The following SLC39A11 variants were observed in gnomAD, a reference collection of about 807,000 sequenced individuals.
SLC39A11 encodes the protein solute carrier family 39 member 11.
Under a neutral mutation model 36.1 loss-of-function variants are expected in SLC39A11, and 33 were observed. The ratio of observed to expected loss-of-function variants is 0.91; its 90% CI spans 0.69 to 1.22. The LOEUF (loss-of-function observed/expected upper bound fraction) is 1.22. Ranked by LOEUF, SLC39A11 falls within the 50% of genes most tolerant of loss-of-function variation. The probability of loss-of-function intolerance (pLI) is 0.00; values close to 1 mark genes in which losing one functional copy is unlikely to be tolerated. For missense variants in SLC39A11, 432 were observed against 430.3 expected (o/e 1.00, Z -0.03); for synonymous variants, 166 against 170.3 (o/e 0.97, Z 0.20).
intron 5 of SLC39A11, among the ~76,000 whole-genome samples, chr17:72,941,038 G>A (rs570158107): frequency 2.0e-4 from 30 of 152,294 alleles, no homozygotes; most frequent in Admixed American, 1.4e-3. Context: ...TTGGGAGGCC[G>A]AGGTGGGTGG....
chr17:72,963,437 TG>T (rs1315449276), intron 4 of SLC39A11, among the ~76,000 whole-genome samples: 2 of 152,238 alleles, frequency 1.3e-5, no homozygotes, highest in African/African-American at 4.8e-5. Flanking sequence ...CCCAAAGTGC[TG>T]GGATTACAGG....
intron 4 of SLC39A11, among the ~76,000 whole-genome samples, chr17:73,015,520 A>G (rs1182393118): frequency 2.6e-5 from 4 of 152,166 alleles, no homozygotes; most frequent in Admixed American, 1.3e-4. Flanking sequence ...ATTCTCCCCA[A>G]TAACTCGTCC....
intron 6 of SLC39A11, among the ~76,000 whole-genome samples, chr17:72,786,831 T>TG (rs148510929): frequency 6.6e-6 from 1 of 152,118 alleles, no homozygotes; most frequent in African/African-American, 2.4e-5. Flanking sequence ...TTTTTCTTGT[T>TG]TTTTTTGAGA....
intron 6 of SLC39A11, among the ~76,000 whole-genome samples, chr17:72,832,082 T>C (rs1018536065): frequency 1.3e-5 from 2 of 152,248 alleles, no homozygotes; most frequent in African/African-American, 4.8e-5. Context: ...TAAGACAAAA[T>C]GAAATGGGAT....
At chr17:73,060,210 C>CAAAAAAAAAAAAAAAAAAAAAAAAGA (rs33931672) in intron 3 of SLC39A11, among the ~76,000 whole-genome samples, 1 of 70,352 alleles carries the variant, frequency 1.4e-5, no homozygotes, top group African/African-American at 5.6e-5. Flanking sequence ...AACTCCATCT[C>CAAAAAAAAAAAAAAAAAAAAAAAAGA]AAAAAAAAAA....
intron 7 of SLC39A11, among the ~76,000 whole-genome samples, chr17:72,670,882 G>A (rs1199150122): frequency 6.6e-6 from 1 of 152,166 alleles, no homozygotes. Flanking sequence ...TTTTGCTGAG[G>A]AATGGTGTTT....
intron 6 of SLC39A11, among the ~76,000 whole-genome samples, chr17:72,777,735 C>T (rs1410510246): frequency 6.6e-6 from 1 of 152,126 alleles, no homozygotes; most frequent in East Asian, 1.9e-4. Context: ...GAATACATTT[C>T]TGTTGTGTTT....
intron 5 of SLC39A11, among the ~76,000 whole-genome samples, chr17:72,894,903 G>A (rs1299290920): frequency 2.0e-5 from 3 of 152,128 alleles, no homozygotes; most frequent in African/African-American, 7.2e-5. Context: ...GGTGGACTGG[G>A]AGACCGTCTT....
At chr17:73,065,233 C>T (rs1172690443) in intron 3 of SLC39A11, among the ~76,000 whole-genome samples, 1 of 151,926 alleles carries the variant, frequency 6.6e-6, no homozygotes, top group African/African-American at 2.4e-5. Context: ...GGTGAAACCT[C>T]GTCTCTACTA....
intron 6 of SLC39A11, among the ~76,000 whole-genome samples, chr17:72,758,155 G>C (rs1056285168): frequency 3.3e-5 from 5 of 152,032 alleles, no homozygotes; most frequent in Non-Finnish European, 5.9e-5. Context: ...CAAAGTGCTG[G>C]GATTATAAAT....
chr17:73,000,949 T>C (rs760233634), intron 4 of SLC39A11, among the ~76,000 whole-genome samples: 1 of 152,218 alleles, frequency 6.6e-6, no homozygotes, highest in African/African-American at 2.4e-5. Context: ...ACCCCAGAAA[T>C]GCTTCTTCAC....
intron 7 of SLC39A11, among the ~76,000 whole-genome samples, chr17:72,682,361 T>G (rs890803899): frequency 7.5e-6 from 1 of 132,528 alleles, no homozygotes; most frequent in Non-Finnish European, 1.5e-5. Flanking sequence ...CCAAAAAGGT[T>G]GGAGACTGCT....
intron 6 of SLC39A11, among the ~76,000 whole-genome samples, chr17:72,770,191 T>A (rs903509528): frequency 2.0e-5 from 3 of 152,198 alleles, no homozygotes; most frequent in Non-Finnish European, 2.9e-5. Context: ...CTTGAGGACA[T>A]TATGCTAAGT....
At chr17:72,681,629 G>A (rs2071513598) in intron 7 of SLC39A11, among the ~76,000 whole-genome samples, 1 of 152,182 alleles carries the variant, frequency 6.6e-6, no homozygotes, top group South Asian at 2.1e-4. Context: ...ACAACGAGGG[G>A]TTGAACAACA....
At chr17:72,978,144 C>G (rs1322339175) in intron 4 of SLC39A11, among the ~76,000 whole-genome samples, 4 of 152,226 alleles carry the variant, frequency 2.6e-5, no homozygotes, top group African/African-American at 4.8e-5. Context: ...CGTCTGGGCC[C>G]CATTTGTAAA....
intron 6 of SLC39A11, among the ~76,000 whole-genome samples, chr17:72,810,253 A>C (rs922579346): frequency 6.6e-6 from 1 of 152,210 alleles, no homozygotes; most frequent in Non-Finnish European, 1.5e-5. Flanking sequence ...CCCTAGGTAC[A>C]TATACAAGAA....
At chr17:72,815,018 G>A (rs1203689278) in intron 6 of SLC39A11, among the ~76,000 whole-genome samples, 1 of 152,184 alleles carries the variant, frequency 6.6e-6, no homozygotes, top group African/African-American at 2.4e-5. Context: ...AAAAACTAAG[G>A]AAGGGGCAAA....
chr17:72,736,235 G>C (rs1261881003), intron 7 of SLC39A11, among the ~76,000 whole-genome samples: 1 of 152,072 alleles, frequency 6.6e-6, no homozygotes, highest in Non-Finnish European at 1.5e-5. Context: ...ACCACCAAAG[G>C]GCCTTTCCAG....
chr17:73,047,990 A>AAATATATATATAT (rs1555693446), intron 3 of SLC39A11, among the ~76,000 whole-genome samples: 1 of 58,700 alleles, frequency 1.7e-5, no homozygotes, highest in Non-Finnish European at 3.0e-5. Flanking sequence ...AAAAAAAAAA[A>AAATATATATATAT]ATATATATAT....
Sources: allele counts gnomAD v4.1 joint callset (sites outside exome capture counted in the v4.1 genomes callset), GRCh38; gene constraint gnomAD v4.1.1; transcripts MANE v1.5; gene names NCBI Gene and HGNC (gene_info 2026-07-23, HGNC 2026-07-21).